CNBP: variants seen among roughly 807,000 people sequenced by gnomAD.
The protein encoded by CNBP is CCHC-type zinc finger nucleic acid binding protein, also known as cellular nucleic acid-binding protein.
A neutral mutation model predicts 21.2 loss-of-function variants in CNBP; 6 were observed. That is an observed-to-expected ratio of 0.28 (90% confidence interval 0.16 to 0.56). The LOEUF (loss-of-function observed/expected upper bound fraction) is 0.56, where lower values mean the gene tolerates loss of function less well. CNBP is among the 20% of genes least tolerant of loss of function. The pLI, the probability that CNBP is intolerant of heterozygous loss-of-function variation, is 0.93. For missense variants in CNBP, 112 were observed against 233.1 expected (o/e 0.48, Z 3.38); for synonymous variants, 61 against 74.9 (o/e 0.81, Z 0.96).
At chr3:129,172,695 G>GACACAC (rs1553787467) in intron 1 of CNBP, among the ~76,000 whole-genome samples, 21 of 78,856 alleles carry the variant, frequency 2.7e-4, no homozygotes, top group South Asian at 1.8e-3. Flanking sequence ...CAGACAGACA[G>GACACAC]ACACACACAC....
At chr3:129,178,676 G>A (rs1467251125) in intron 1 of CNBP, among the ~76,000 whole-genome samples, 2 of 152,024 alleles carry the variant, frequency 1.3e-5, no homozygotes, top group African/African-American at 2.4e-5. Context: ...CCCTCTGAAT[G>A]TATGTAAGTA....
intron 1 of CNBP, among the ~76,000 whole-genome samples, chr3:129,173,901 C>T (rs1426898351): frequency 2.0e-5 from 3 of 152,160 alleles, no homozygotes; most frequent in Admixed American, 1.3e-4. Flanking sequence ...AGACCCAAAA[C>T]GCAGTCCGAA....
rs1295459548 is a variant in CNBP at position 129,172,683 on chromosome 3, GACAGACAGACAGACACAC to G, written c.-14-930_-14-913del. Among the ~76,000 whole-genome samples, 1,708 of 95,758 alleles carry G rather than the reference GACAGACAGACAGACACAC, an allele frequency of 0.018. 98 individuals are homozygous for G. In the East Asian group the frequency reaches 0.21, roughly 12 times the overall value. The allele number at this position is 95,758 out of a possible 152,430, so 62.8% of individuals were successfully genotyped here. On this transcript the variant is annotated intron_variant, in intron 1 of 4. Coordinates refer to ENST00000422453, the MANE Select transcript of CNBP (RefSeq NM_003418.5). Reference sequence around the variant, plus strand: ...AGACAGACAGACAGACAGACAGACAGACAGACAGACAGACACACACACACACACACACACACACACACA... The same window carrying G: ...AGACAGACAGACAGACAGACAGACAGACACACACACACACACACACACACA...
chr3:129,177,802 C>CATGTTTATG lies in CNBP; in HGVS notation c.-15+5973_-15+5974insCATAAACAT, dbSNP rs1938015182. On this transcript the variant is annotated intron_variant, in intron 1 of 4. Transcript: ENST00000422453. ...TGTATCAAATGTTTATGACACAAAC[C>CATGTTTATG]ACTTTAAAGGGTGGTAGGAGCACAG... is the stretch of plus-strand genomic sequence containing the variant. 3.3e-5 allele frequency among the ~76,000 whole-genome samples: 5 copies of CATGTTTATG among 152,194 alleles called. No individual in the cohort carries two copies. In the South Asian group the frequency reaches 1.0e-3, roughly 32 times the overall value.
intron 1 of CNBP, among the ~76,000 whole-genome samples, chr3:129,176,939 A>C (rs1436531051): frequency 1.3e-5 from 2 of 152,198 alleles, no homozygotes; most frequent in African/African-American, 4.8e-5. Context: ...GAATCATAAA[A>C]CCATGAAAAT....
Position 129,171,553 on chromosome 3 carries a change from A to C in CNBP, c.125-15T>G. 6.2e-7 allele frequency: 1 copy of C among 1,614,164 alleles called. No individual in the cohort carries two copies. On this transcript the variant is annotated splice_polypyrimidine_tract_variant and intron_variant, in intron 2 of 4. Coordinates refer to ENST00000422453, the MANE Select transcript of CNBP (RefSeq NM_003418.5). The stretch of plus-strand genomic sequence containing the variant: ...AAACTGGAAACCTGTTTTGAGCAAA[A>C]ACAAAGAATTCGGCTAGTCAGACCA...
chr3:129,179,307 T>C (rs946191896), intron 1 of CNBP, among the ~76,000 whole-genome samples: 1 of 151,796 alleles, frequency 6.6e-6, no homozygotes, highest in Non-Finnish European at 1.5e-5. Flanking sequence ...AAAAAAGCAA[T>C]GAAAGGAAGC....
In CNBP at chr3:129,168,944, A is replaced by C. The variant is rs1218927894; in HGVS notation, c.*1509T>G. Among the ~76,000 whole-genome samples the C allele has an allele frequency of 6.7e-6, 1 of 149,342 alleles. No homozygotes were observed. The highest frequency in any genetic ancestry group is 2.0e-4 in the East Asian group (1 of 5,060). On this transcript the variant is annotated 3_prime_UTR_variant, in exon 5 of 5. Transcript: ENST00000422453. ...ACCCCGTCTTTACTAAAAATACAAA[A>C]AAAAAAAATTAGCTGGGCGCGGTGG... is the stretch of plus-strand genomic sequence containing the variant.
chr3:129,182,939 GTTGTTTGTTTGT>G lies in CNBP; in HGVS notation c.-15+825_-15+836del, dbSNP rs146475772. On this transcript the variant is annotated intron_variant, in intron 1 of 4. Transcript: ENST00000422453. The stretch of plus-strand genomic sequence containing the variant: ...AAGGCTTCTTCAGGAACCCTTTGTT[GTTGTTTGTTTGT>G]TTGTTTGTTTGTTTTTTTAAGACGG... Among the ~76,000 whole-genome samples the G allele has an allele frequency of 9.3e-5, 14 of 150,710 alleles. 1 individual carries two copies. The South Asian group carries it at 1.1e-3, about 11-fold the overall frequency.
intron 1 of CNBP, among the ~76,000 whole-genome samples, chr3:129,176,827 TA>T (rs928297488): frequency 6.6e-6 from 1 of 152,188 alleles, no homozygotes; most frequent in African/African-American, 2.4e-5. Context: ...AATTTTTTTT[TA>T]AATCCACTAA....
intron 1 of CNBP, among the ~76,000 whole-genome samples, chr3:129,173,410 C>G (rs949369028): frequency 1.3e-5 from 2 of 152,126 alleles, no homozygotes. Context: ...AGTAGGAAAA[C>G]GACCATGAGT....
chr3:129,171,022 C>A lies in CNBP; in HGVS notation c.416+57G>T, dbSNP rs577351040. ...AAGGCCCTTCCATTTATAGCTAATT[C>A]ATCTCTGGAAGAATCTCTGCAATGA... is the stretch of plus-strand genomic sequence containing the variant. On this transcript the variant is annotated intron_variant, in intron 4 of 4. Transcript: ENST00000422453. 88 of 1,532,654 alleles carry A rather than the reference C, an allele frequency of 5.7e-5. No homozygotes were observed. The South Asian group carries it at 9.5e-4, about 17-fold the overall frequency. 94.9% of individuals were successfully genotyped at this position (1,532,654 alleles called of 1,614,324 possible).
intron 1 of CNBP, among the ~76,000 whole-genome samples, chr3:129,176,474 T>C (rs1236005224): frequency 6.6e-6 from 1 of 152,234 alleles, no homozygotes; most frequent in Non-Finnish European, 1.5e-5. Context: ...ACACCCCATA[T>C]AGTTATCCTT....
At chr3:129,176,412 G>C (rs1211254559) in intron 1 of CNBP, among the ~76,000 whole-genome samples, 1 of 152,162 alleles carries the variant, frequency 6.6e-6, no homozygotes, top group Non-Finnish European at 1.5e-5. Context: ...ATATTGCCTT[G>C]TATCATATTC....
chr3:129,179,788 T>A (rs564060333), intron 1 of CNBP, among the ~76,000 whole-genome samples: 19 of 152,262 alleles, frequency 1.2e-4, no homozygotes, highest in African/African-American at 4.6e-4. Flanking sequence ...GCCGAGATCA[T>A]GCCATTTGCA....
intron 1 of CNBP, among the ~76,000 whole-genome samples, chr3:129,183,326 G>C (rs147735907): frequency 6.6e-6 from 1 of 152,094 alleles, no homozygotes; most frequent in Non-Finnish European, 1.5e-5. Flanking sequence ...TGGCCTGCAC[G>C]ACTATACCCA....
intron 4 of CNBP, among the ~76,000 whole-genome samples, chr3:129,170,843 T>C (rs569635096): frequency 6.6e-6 from 1 of 152,320 alleles, no homozygotes; most frequent in East Asian, 1.9e-4. Flanking sequence ...CTCTTACTTT[T>C]ATATATTAAA....
chr3:129,176,301 T>C (rs1937903860), intron 1 of CNBP, among the ~76,000 whole-genome samples: 1 of 152,152 alleles, frequency 6.6e-6, no homozygotes, highest in Admixed American at 6.6e-5. Context: ...CCAACTCAAA[T>C]GCCAACTCTA....
At chr3:129,171,841 T>C (rs535353357) in intron 1 of CNBP, 70 bp from the exon 2 acceptor site, 2 of 1,478,918 alleles carry the variant, frequency 1.4e-6, no homozygotes, top group East Asian at 4.7e-5. Flanking sequence ...CTATTAAATG[T>C]ATTTTTGGAA....
Sources: gnomAD v4.1 joint callset for allele counts (sites outside exome capture counted in the v4.1 genomes callset) on GRCh38, gnomAD v4.1.1 for gene constraint, MANE v1.5 for transcripts, NCBI Gene and HGNC (gene_info 2026-07-23, HGNC 2026-07-21) for gene names.